NCKAP5: variants seen among roughly 807,000 people sequenced by gnomAD.
NCKAP5 encodes the protein NCK associated protein 5.
A neutral mutation model predicts 167.0 loss-of-function variants in NCKAP5; 92 were observed. The ratio of observed to expected loss-of-function variants is 0.55; its 90% CI spans 0.47 to 0.66. The LOEUF is 0.66. Ranked by LOEUF, NCKAP5 falls within the 30% of genes least tolerant of loss-of-function variation. NCKAP5 has a pLI of 0.00. For missense variants in NCKAP5, 2,378 were observed against 2,315.0 expected (o/e 1.03, Z -0.56); for synonymous variants, 891 against 877.4 (o/e 1.02, Z -0.27).
Position 133,519,427 on chromosome 2 carries a change from T to C in NCKAP5, c.-61-1840A>G, listed in dbSNP as rs1172776878. On this transcript the variant is annotated intron_variant, in intron 2 of 19. Transcript: ENST00000409261. ...TGACCACTAGTCAACTGAAATTTGT[T>C]TGGGAGGCTGCCTTTTCTACTTTCA... Among the ~76,000 whole-genome samples the C allele has an allele frequency of 2.6e-5, 4 of 152,212 alleles. No individual in the cohort carries two copies. In the South Asian group the frequency reaches 6.2e-4, roughly 24 times the overall value.
chr2:133,606,951 T>C, the NCKAP5 span, among the ~76,000 whole-genome samples: 1 of 152,120 alleles, frequency 6.6e-6, no homozygotes, highest in Non-Finnish European at 1.5e-5. Context: ...CCAGAAGTCC[T>C]CATGCCTAAT....
intron 8 of NCKAP5, among the ~76,000 whole-genome samples, chr2:132,936,369 T>C (rs913487205): frequency 2.0e-5 from 3 of 152,376 alleles, no homozygotes; most frequent in East Asian, 1.9e-4. Context: ...GGATAAATTA[T>C]GGTACATTTC....
chr2:133,110,045 T>C (rs1463754124), intron 6 of NCKAP5, among the ~76,000 whole-genome samples: 1 of 152,228 alleles, frequency 6.6e-6, no homozygotes, highest in Non-Finnish European at 1.5e-5. Context: ...ACTCATCATC[T>C]GCCAGCCTTG....
chr2:132,848,466 G>A (rs746377151), intron 11 of NCKAP5, among the ~76,000 whole-genome samples: 1 of 152,138 alleles, frequency 6.6e-6, no homozygotes, highest in Non-Finnish European at 1.5e-5. Context: ...AATGTCAAAT[G>A]TAACAATGAA....
At chr2:133,286,006 T>A (rs943248855) in intron 4 of NCKAP5, among the ~76,000 whole-genome samples, 2 of 152,060 alleles carry the variant, frequency 1.3e-5, no homozygotes, top group Non-Finnish European at 1.5e-5. Context: ...CTTCTTTTTT[T>A]TTTTTTTGAG....
chr2:133,350,862 A>G (rs760722095), intron 3 of NCKAP5, among the ~76,000 whole-genome samples: 1 of 151,572 alleles, frequency 6.6e-6, no homozygotes, highest in Non-Finnish European at 1.5e-5. Context: ...AGTGAATACT[A>G]TTTCTTCCCC....
At chr2:133,362,371 C>T (rs2150872552) in intron 3 of NCKAP5, among the ~76,000 whole-genome samples, 1 of 152,292 alleles carries the variant, frequency 6.6e-6, no homozygotes, top group East Asian at 1.9e-4. Flanking sequence ...AGGACTTCAG[C>T]TGAGACTGTG....
At chr2:133,385,834 T>C (rs1686917459) in intron 3 of NCKAP5, among the ~76,000 whole-genome samples, 1 of 152,212 alleles carries the variant, frequency 6.6e-6, no homozygotes, top group East Asian at 1.9e-4. Flanking sequence ...TTTATTTGCA[T>C]AGAGGTGTTT....
intron 16 of NCKAP5, 96 bp from the exon 17 acceptor site, chr2:132,732,147 G>A: frequency 8.4e-7 from 1 of 1,194,208 alleles, no homozygotes; most frequent in Non-Finnish European, 1.2e-6. Flanking sequence ...GAGGAAAGGA[G>A]ACACCTAGAA....
At chr2:132,925,478 C>T (rs1192775340) in intron 8 of NCKAP5, among the ~76,000 whole-genome samples, 3 of 146,048 alleles carry the variant, frequency 2.1e-5, no homozygotes, top group African/African-American at 5.1e-5. Flanking sequence ...AGGAGAATGG[C>T]GTGAACCTGG....
chr2:132,822,735 T>G (rs181999593), intron 11 of NCKAP5, among the ~76,000 whole-genome samples: 1 of 152,266 alleles, frequency 6.6e-6, no homozygotes, highest in East Asian at 1.9e-4. Context: ...AGATAAAGAA[T>G]TCAGAAGGTT....
intron 3 of NCKAP5, among the ~76,000 whole-genome samples, chr2:133,500,393 A>C (rs1169907431): frequency 6.6e-6 from 1 of 152,234 alleles, no homozygotes; most frequent in African/African-American, 2.4e-5. Context: ...TCATCACACC[A>C]GAGACACTGC....
At chr2:132,936,342 CAAGG>C (rs1242336328) in intron 8 of NCKAP5, among the ~76,000 whole-genome samples, 1,667 of 152,264 alleles carry the variant, frequency 0.011, 27 homozygotes, top group African/African-American at 0.038. Context: ...TCCAAACTAA[CAAGG>C]AGCTGAATGA....
intron 3 of NCKAP5, among the ~76,000 whole-genome samples, chr2:133,362,084 G>A (rs72989616): frequency 0.027 from 4,101 of 152,234 alleles, 170 homozygotes; most frequent in African/African-American, 0.093. Context: ...TATAGGGAGT[G>A]TTAGGTTAAG....
Position 133,200,822 on chromosome 2 carries a change from G to A in NCKAP5, c.207+12894C>T, listed in dbSNP as rs563028876. On this transcript the variant is annotated intron_variant, in intron 5 of 19. Coordinates refer to ENST00000409261, the MANE Select transcript of NCKAP5 (RefSeq NM_207363.3). ...CCCAAATATCTGTCAAAAGGAACGT[G>A]GATAAACAAATTGTAGTGTATTCAT... is the stretch of plus-strand genomic sequence containing the variant. Among the ~76,000 whole-genome samples, 37 of 152,120 alleles carry A rather than the reference G, an allele frequency of 2.4e-4. No homozygotes were observed. The East Asian group carries it at 4.3e-3, about 17-fold the overall frequency.
At chr2:133,321,704 T>G (rs1682069028) in intron 3 of NCKAP5, among the ~76,000 whole-genome samples, 1 of 152,206 alleles carries the variant, frequency 6.6e-6, no homozygotes, top group South Asian at 2.1e-4. Context: ...CTGTTAAAAG[T>G]ACCTGACTCC....
chr2:133,323,487 G>C (rs375817929), intron 3 of NCKAP5, among the ~76,000 whole-genome samples: 1 of 152,168 alleles, frequency 6.6e-6, no homozygotes, highest in Non-Finnish European at 1.5e-5. Flanking sequence ...GTAATACTGA[G>C]GGAGGGATAG....
intron 19 of NCKAP5, among the ~76,000 whole-genome samples, chr2:132,703,039 G>A (rs1688029147): frequency 6.6e-6 from 1 of 151,978 alleles, no homozygotes; most frequent in Admixed American, 6.6e-5. Flanking sequence ...AAATTAGCCA[G>A]GTGTAAGGGT....
At chr2:133,218,948 T>C (rs976413467) in intron 4 of NCKAP5, among the ~76,000 whole-genome samples, 2 of 152,198 alleles carry the variant, frequency 1.3e-5, no homozygotes, top group African/African-American at 2.4e-5. Flanking sequence ...AAATACTATA[T>C]TAATAAATCA....
Sources: gnomAD v4.1 joint callset for allele counts (sites outside exome capture counted in the v4.1 genomes callset) on GRCh38, gnomAD v4.1.1 for gene constraint, MANE v1.5 for transcripts, NCBI Gene and HGNC (gene_info 2026-07-23, HGNC 2026-07-21) for gene names.